Variants in PAPPA observed in about 807,000 individuals in gnomAD.
PAPPA encodes the protein pappalysin-1.
A neutral mutation model predicts 164.0 loss-of-function variants in PAPPA; 60 were observed. The observed-to-expected ratio is 0.37, with a 90% CI of 0.30 to 0.45. PAPPA has a LOEUF of 0.45. Among genes scored for constraint, PAPPA ranks in the 20% least tolerant of loss-of-function variants. PAPPA has a pLI of 1.00. For missense variants in PAPPA, 1,782 were observed against 2,087.3 expected, an observed-to-expected ratio of 0.85 and a Z score of 2.85; for synonymous variants, 875 against 814.1, an observed-to-expected ratio of 1.07 and a Z score of -1.27.
intron 13 of PAPPA, among the ~76,000 whole-genome samples, chr9:116,343,741 T>TTTA (rs1846168545): frequency 4.9e-5 from 7 of 142,230 alleles, no homozygotes; most frequent in Non-Finnish European, 1.1e-4. Context: ...TACCACTTAT[T>TTTA]TTTATTTATT....
In PAPPA at chr9:116,400,877, T is replaced by G. The variant is rs1847042548; in HGVS notation, c.*4261T>G. Reference sequence around the variant, plus strand: ...TTGCTCAGTGATCTTGAACAAGTTATCCAATTGCCTCTACATTTGCATCAG... The same window carrying G: ...TTGCTCAGTGATCTTGAACAAGTTAGCCAATTGCCTCTACATTTGCATCAG... On this transcript the variant is annotated 3_prime_UTR_variant, in exon 22 of 22. Coordinates refer to ENST00000328252, the MANE Select transcript of PAPPA (RefSeq NM_002581.5). 1.3e-5 allele frequency: 2 copies of G among 152,642 alleles called. No homozygotes were observed. Among genetic ancestry groups the G allele is most frequent in the South Asian group, 4.1e-4 (2 of 4,836 alleles). 9.5% of individuals were successfully genotyped at this position (152,642 alleles called of 1,614,324 possible).
intron 2 of PAPPA, among the ~76,000 whole-genome samples, chr9:116,194,973 A>T (rs181388694): frequency 6.6e-6 from 1 of 152,338 alleles, no homozygotes; most frequent in Admixed American, 6.5e-5. Flanking sequence ...ACTTCTATCA[A>T]ACTCATTGAG....
chr9:116,334,312 C>G (rs1481984850), intron 12 of PAPPA, among the ~76,000 whole-genome samples: 1 of 151,634 alleles, frequency 6.6e-6, no homozygotes, highest in Non-Finnish European at 1.5e-5. Flanking sequence ...TTTAGCCATG[C>G]CTGGGCTGTG....
intron 10 of PAPPA, among the ~76,000 whole-genome samples, chr9:116,310,915 T>G (rs1587998317): frequency 6.6e-6 from 1 of 152,174 alleles, no homozygotes; most frequent in Non-Finnish European, 1.5e-5. Context: ...CCATGGCAGG[T>G]ATTTGTCAAG....
rs1471490204 is a variant in PAPPA at position 116,352,754 on chromosome 9, C to T, written c.4013C>T (p.Pro1338Leu). ...ATGGAGGATGGGCTGTGGTCCTTCC[C>T]AGAGGCCCTGTGTGAGCTCATGTGC... ...TCMEDGLWSF[P>L]EALCELMCLA... Residue 1338 changes from proline to leucine, a missense_variant, in exon 16 of 22, where the codon CCA (proline) becomes CTA (leucine). Around this residue, in one of 2 missense-constraint regions of PAPPA, gnomAD observed 1,324 missense variants for 1,656.9 expected, o/e 0.80. Coordinates refer to ENST00000328252, the MANE Select transcript of PAPPA (RefSeq NM_002581.5). 6.2e-7 allele frequency: 1 copy of T among 1,613,688 alleles called. No individual in the cohort carries two copies. Among genetic ancestry groups the T allele is most frequent in the East Asian group, 2.2e-5 (1 of 44,882 alleles).
chr9:116,346,577 G>C (rs866416766), intron 14 of PAPPA, among the ~76,000 whole-genome samples: 1 of 152,142 alleles, frequency 6.6e-6, no homozygotes, highest in Non-Finnish European at 1.5e-5. Context: ...CTCCTCTAGA[G>C]CTAATAAAAG....
At chr9:116,322,658 A>T (rs1358801210) in intron 10 of PAPPA, among the ~76,000 whole-genome samples, 1 of 152,176 alleles carries the variant, frequency 6.6e-6, no homozygotes, top group Non-Finnish European at 1.5e-5. Context: ...GGTTTATATC[A>T]GGAAACCAAC....
intron 4 of PAPPA, among the ~76,000 whole-genome samples, chr9:116,216,986 C>T (rs574465381): frequency 2.6e-5 from 4 of 152,230 alleles, no homozygotes; most frequent in African/African-American, 9.6e-5. Flanking sequence ...GTGATCCGCC[C>T]ACCTTGGCCT....
In PAPPA at chr9:116,187,877, A is replaced by G. The variant is rs1843994631; in HGVS notation, c.1139A>G (p.His380Arg). 1 of 1,614,194 alleles carries G rather than the reference A, an allele frequency of 6.2e-7. No individual in the cohort carries two copies. Among genetic ancestry groups the G allele is most frequent in the Non-Finnish European group, 8.5e-7 (1 of 1,180,030 alleles). ...VTREQVDFQH[H>R]QLAEAFKQYN... ...CGCGAGCAGGTGGACTTCCAGCACC[A>G]TCAGCTGGCTGAGGCCTTCAAGCAA... The change falls in exon 2 of 22, where the codon CAT becomes CGT. Residue 380 changes from histidine to arginine, a missense_variant. This residue lies in a region of PAPPA where 1,324 missense variants were observed against 1,656.9 expected (regional missense o/e 0.80). Transcript: ENST00000328252. This position sits in a 1 kb window ranked among gnomAD's most constrained non-coding sequence, Gnocchi z 4.2.
In PAPPA at chr9:116,187,103, C is replaced by A. The variant is rs745827412; in HGVS notation, c.416-51C>A. On this transcript the variant is annotated intron_variant, in intron 1 of 21. Coordinates refer to ENST00000328252, the MANE Select transcript of PAPPA (RefSeq NM_002581.5). This position sits in a 1 kb window ranked among gnomAD's most constrained non-coding sequence, Gnocchi z 4.2. ...ATTAGAGAAAAATAACTTAACCCCC[C>A]CTCCTTTTCCATCCTTTATTTATTC... 20 of 1,322,308 alleles carry A rather than the reference C, an allele frequency of 1.5e-5. No individual in the cohort carries two copies. The East Asian group carries it at 2.3e-4, about 15-fold the overall frequency. The allele number at this position is 1,322,308 out of a possible 1,614,324, so 81.9% of individuals were successfully genotyped here. A position where few individuals can be genotyped will look rare whatever the true frequency, so the allele number is the denominator to read the frequency against.
chr9:116,384,840 T>C (rs900503546), intron 21 of PAPPA, among the ~76,000 whole-genome samples: 1 of 152,132 alleles, frequency 6.6e-6, no homozygotes, highest in Non-Finnish European at 1.5e-5. Flanking sequence ...GTATTTGAAA[T>C]AGAAGTTTTT....
intron 15 of PAPPA, among the ~76,000 whole-genome samples, chr9:116,348,777 G>T (rs959596826): frequency 6.6e-6 from 1 of 152,074 alleles, no homozygotes; most frequent in African/African-American, 2.4e-5. Context: ...TCCTGCATTA[G>T]TTTGCTAAGG....
chr9:116,312,288 C>CTTTTTTTTTTTTTTTTTTTTT (rs5900201), intron 10 of PAPPA, among the ~76,000 whole-genome samples: 12 of 129,618 alleles, frequency 9.3e-5, no homozygotes, highest in Non-Finnish European at 1.6e-4. Flanking sequence ...TTCTTTCTTT[C>CTTTTTTTTTTTTTTTTTTTTT]TTTTTTTTTT....
chr9:116,255,743 A>G (rs1245630631), intron 7 of PAPPA, among the ~76,000 whole-genome samples: 1 of 151,898 alleles, frequency 6.6e-6, no homozygotes, highest in East Asian at 2.0e-4. Context: ...ATTTTAAATG[A>G]GATTTTCAGG....
chr9:116,260,059 A>T (rs144605437), intron 7 of PAPPA, among the ~76,000 whole-genome samples: 1 of 152,208 alleles, frequency 6.6e-6, no homozygotes, highest in Non-Finnish European at 1.5e-5. Context: ...AAAGAAAAAC[A>T]GCCAGCTACA....
chr9:116,230,403 G>GA (rs34463136), intron 6 of PAPPA, among the ~76,000 whole-genome samples: 2 of 152,232 alleles, frequency 1.3e-5, no homozygotes, highest in Admixed American at 6.5e-5. Flanking sequence ...TATGGTTGGG[G>GA]AAAAAACATG....
At chr9:116,218,533 C>T (rs1844403998) in intron 4 of PAPPA, among the ~76,000 whole-genome samples, 1 of 152,090 alleles carries the variant, frequency 6.6e-6, no homozygotes, top group African/African-American at 2.4e-5. Flanking sequence ...TTGAATAAAA[C>T]TGTTGGAGGG....
In PAPPA at chr9:116,267,050, A is replaced by G. The variant is rs190179127; in HGVS notation, c.2861+1065A>G. 2.4e-3 allele frequency among the ~76,000 whole-genome samples: 364 copies of G among 152,340 alleles called. 2 individuals are homozygous for G. Among genetic ancestry groups the G allele is most frequent in the African/African-American group, 8.5e-3 (352 of 41,586 alleles). On this transcript the variant is annotated intron_variant, in intron 8 of 21. Coordinates refer to ENST00000328252, the MANE Select transcript of PAPPA (RefSeq NM_002581.5). ...ATATGGAATTGCAATTACTATTTCT[A>G]TAAGGGGAGGGGTGGTATGAAAAAA...
intron 5 of PAPPA, among the ~76,000 whole-genome samples, chr9:116,226,826 C>T (rs1034372475): frequency 2.0e-5 from 3 of 152,190 alleles, no homozygotes; most frequent in African/African-American, 7.2e-5. Flanking sequence ...CTTGGAAAGC[C>T]GCTACAATGA....
Sources: gnomAD v4.1 joint callset for allele counts (sites outside exome capture counted in the v4.1 genomes callset) on GRCh38, gnomAD v4.1.1 for gene constraint, gnomAD v4.1.1 regional missense constraint, Gnocchi (gnomAD v3.1) non-coding constraint, MANE v1.5 for transcripts, NCBI Gene and HGNC (gene_info 2026-07-23, HGNC 2026-07-21) for gene names.